REPS2: variants seen among roughly 807,000 people sequenced by gnomAD.
The protein encoded by REPS2 is ralBP1-associated Eps domain-containing protein 2.
Under a neutral mutation model 53.6 loss-of-function variants are expected in REPS2, and 23 were observed. That is an observed-to-expected ratio of 0.43 (90% CI 0.31 to 0.61). The LOEUF (loss-of-function observed/expected upper bound fraction) is 0.61, where lower values mean the gene tolerates loss of function less well. Among genes scored for constraint, REPS2 ranks in the 20% least tolerant of loss-of-function variants. The pLI is 0.11. For synonymous variants in REPS2, 238 were observed against 218.6 expected (o/e 1.09, Z -0.78); for missense variants, 446 against 534.9 (o/e 0.83, Z 1.64).
chrX:17,088,978 C>T (rs2062579839), intron 13 of REPS2, among the ~76,000 whole-genome samples: 1 of 111,299 alleles, frequency 9.0e-6, no homozygotes, highest in Non-Finnish European at 1.9e-5. Flanking sequence ...ATTTGGAGGG[C>T]ACACCCTACT....
At chrX:17,156,798 T>C (rs193034961), downstream of REPS2, among the ~76,000 whole-genome samples, 67 of 111,662 alleles carry the variant, frequency 6.0e-4, no homozygotes, top group African/African-American at 1.8e-3. Context: ...ATACAGAGAA[T>C]TGTGTTGCAG....
intron 1 of REPS2, among the ~76,000 whole-genome samples, chrX:16,965,615 A>G (rs755570090): frequency 1.8e-5 from 2 of 108,380 alleles, no homozygotes; most frequent in African/African-American, 6.7e-5. Context: ...TGCTCCCCAC[A>G]TCTCAGACGA....
chrX:16,946,732 T>C lies in REPS2; in HGVS notation c.-130T>C, dbSNP rs868197743. On this transcript the variant is annotated 5_prime_UTR_variant, in exon 1 of 18. Coordinates refer to ENST00000357277, the MANE Select transcript of REPS2 (RefSeq NM_004726.3). ...GCGCGGCAGCTGCGGGGCGTGGGGG[T>C]GGTGGTGGCGGCGGCGGTGGTGGCG... 18 of 613,165 alleles carry C rather than the reference T, an allele frequency of 2.9e-5. No homozygotes were observed. Among genetic ancestry groups the C allele is most frequent in the Middle Eastern group, 9.4e-4 (1 of 1,064 alleles). 50.5% of individuals were successfully genotyped at this position (613,165 alleles called of 1,213,427 possible). A position where few individuals can be genotyped will look rare whatever the true frequency, so the allele number is the denominator to read the frequency against.
intron 1 of REPS2, among the ~76,000 whole-genome samples, chrX:16,950,898 T>C (rs2060497286): frequency 8.9e-6 from 1 of 112,050 alleles, no homozygotes. Context: ...CAAAATAAAA[T>C]AGCCGGGCAT....
At chrX:17,124,169 T>C (rs1301977298) in intron 14 of REPS2, among the ~76,000 whole-genome samples, 1 of 112,314 alleles carries the variant, frequency 8.9e-6, no homozygotes, top group Non-Finnish European at 1.9e-5. Context: ...ATCCTGTAAC[T>C]GTTCTGTGCT....
chrX:17,131,669 A>G, intron 14 of REPS2, among the ~76,000 whole-genome samples: 2 of 111,915 alleles, frequency 1.8e-5, no homozygotes, highest in Admixed American at 1.9e-4. Context: ...ACCTGAAGGC[A>G]GAAGACTGGG....
intron 13 of REPS2, 152 bp downstream of exon 13, chrX:17,077,559 G>A (rs1215344358): frequency 1.9e-6 from 1 of 516,203 alleles, no homozygotes. Flanking sequence ...GTATTCTTGG[G>A]AGAGAAAGCA....
chrX:17,170,055 A>G, the REPS2 span, among the ~76,000 whole-genome samples: 1 of 112,824 alleles, frequency 8.9e-6, no homozygotes, highest in Non-Finnish European at 1.9e-5. Context: ...TGGACTTTGC[A>G]TGAGCAAGAA....
intron 8 of REPS2, among the ~76,000 whole-genome samples, chrX:17,061,387 G>T (rs183298746): frequency 1.8e-5 from 2 of 112,173 alleles, no homozygotes; most frequent in Non-Finnish European, 3.8e-5. Flanking sequence ...CAATCCTCCT[G>T]CCTTGGCCTC....
At chrX:16,950,645 A>G (rs1471191353) in intron 1 of REPS2, among the ~76,000 whole-genome samples, 1 of 112,972 alleles carries the variant, frequency 8.9e-6, no homozygotes, top group African/African-American at 3.2e-5. Flanking sequence ...AGGTTATAAT[A>G]GTGAATCCAA....
In REPS2 at chrX:17,002,905, G is replaced by A. The variant is rs1330469604; in HGVS notation, c.274-3316G>A. Among the ~76,000 whole-genome samples, 8 of 112,065 alleles carry A rather than the reference G, an allele frequency of 7.1e-5. No individual in the cohort carries two copies. In the East Asian group the frequency reaches 2.2e-3, roughly 31 times the overall value. ...TTAATATTCTCTTATATTCCTGCAG[G>A]AACTCTTATGGCTATATGGTGTGAG... is the stretch of plus-strand genomic sequence containing the variant. On this transcript the variant is annotated intron_variant, in intron 1 of 17. Transcript: ENST00000357277.
the REPS2 span, among the ~76,000 whole-genome samples, chrX:17,161,472 G>A: frequency 5.4e-5 from 6 of 111,392 alleles, no homozygotes; most frequent in Admixed American, 3.8e-4. Flanking sequence ...AACTGAGAAA[G>A]GTTTATAGCT....
intron 3 of REPS2, among the ~76,000 whole-genome samples, chrX:17,024,363 GTTTTTTTTT>G (rs900082438): frequency 4.2e-5 from 3 of 71,690 alleles, no homozygotes; most frequent in Admixed American, 3.4e-4. Flanking sequence ...TACTAGTAAA[GTTTTTTTTT>G]TTTTTTTTTT....
chrX:17,098,555 C>G (rs1422610661), intron 13 of REPS2, among the ~76,000 whole-genome samples: 1 of 111,402 alleles, frequency 9.0e-6, no homozygotes, highest in African/African-American at 3.3e-5. Context: ...TCTCATGACT[C>G]AAGACAGAGC....
rs1019880884 is a variant in REPS2 at position 16,985,957 on chromosome X, A to G, written c.274-20264A>G. On this transcript the variant is annotated intron_variant, in intron 1 of 17. Coordinates refer to ENST00000357277, the MANE Select transcript of REPS2 (RefSeq NM_004726.3). ...GTAATTTTATTCATTATCAATCTTA[A>G]GAATTTATTTTGATCATTATAAATG... 6.2e-5 allele frequency among the ~76,000 whole-genome samples: 7 copies of G among 112,143 alleles called. No homozygotes were observed. The Admixed American group carries it at 6.6e-4, about 11-fold the overall frequency.
At chrX:17,088,134 C>T (rs1163831256) in intron 13 of REPS2, among the ~76,000 whole-genome samples, 1 of 111,403 alleles carries the variant, frequency 9.0e-6, no homozygotes, top group Non-Finnish European at 1.9e-5. Flanking sequence ...ATGGAAACAG[C>T]TGCTAGTGAA....
chrX:17,003,586 G>A (rs2061330853), intron 1 of REPS2, among the ~76,000 whole-genome samples: 1 of 111,409 alleles, frequency 9.0e-6, no homozygotes, highest in South Asian at 3.8e-4. Flanking sequence ...TGAAACAGTC[G>A]AGGCGAGAGC....
the REPS2 span, among the ~76,000 whole-genome samples, chrX:17,163,084 A>G: frequency 1.8e-5 from 2 of 112,290 alleles, no homozygotes; most frequent in Non-Finnish European, 1.9e-5. Context: ...TAGCTATTTT[A>G]AATATATTCA....
At chrX:17,034,297 ATATT>A (rs1453419568) in intron 5 of REPS2, among the ~76,000 whole-genome samples, 1 of 111,134 alleles carries the variant, frequency 9.0e-6, no homozygotes, top group Non-Finnish European at 1.9e-5. Context: ...ATGTATTTAT[ATATT>A]TATTTATTTT....
Sources: gnomAD v4.1 joint callset for allele counts (sites outside exome capture counted in the v4.1 genomes callset) on GRCh38, gnomAD v4.1.1 for gene constraint, MANE v1.5 for transcripts, NCBI Gene and HGNC (gene_info 2026-07-23, HGNC 2026-07-21) for gene names.